MTUS2: variants seen among roughly 807,000 people sequenced by gnomAD.
The protein encoded by MTUS2 is microtubule-associated tumor suppressor candidate 2.
Under a neutral mutation model 114.1 loss-of-function variants are expected in MTUS2, and 40 were observed. The observed-to-expected ratio is 0.35, with a 90% CI of 0.27 to 0.46. MTUS2 has a LOEUF of 0.46. Ranked by LOEUF, MTUS2 falls within the 20% of genes least tolerant of loss-of-function variation. The pLI is 1.00. For missense variants in MTUS2, 1,679 were observed against 1,705.4 expected (o/e 0.98, Z 0.27); for synonymous variants, 688 against 672.0 (o/e 1.02, Z -0.37).
At chr13:29,079,967 T>C (rs2138724609) in intron 4 of MTUS2, among the ~76,000 whole-genome samples, 1 of 152,338 alleles carries the variant, frequency 6.6e-6, no homozygotes, top group Non-Finnish European at 1.5e-5. Flanking sequence ...TTGCATTGAA[T>C]CGGTAGATCA....
Position 29,119,345 on chromosome 13 carries a change from C to T in MTUS2, c.2644+18375C>T, listed in dbSNP as rs117798417. On this transcript the variant is annotated intron_variant, in intron 5 of 15. Coordinates refer to ENST00000612955, the MANE Select transcript of MTUS2 (RefSeq NM_001033602.4). ...GTTTTGTTGCTGGACCTTGTGGACA[C>T]TGCATAACAAAAAAAAATGATAAAT... is the stretch of plus-strand genomic sequence containing the variant. Among the ~76,000 whole-genome samples, 833 of 151,872 alleles carry T rather than the reference C, an allele frequency of 5.5e-3. 3 individuals are homozygous for T. Among genetic ancestry groups the T allele is most frequent in the Admixed American group, 0.01 (154 of 15,266 alleles).
At chr13:28,927,681 A>G (rs930750157) in intron 2 of MTUS2, among the ~76,000 whole-genome samples, 5 of 152,234 alleles carry the variant, frequency 3.3e-5, no homozygotes, top group African/African-American at 9.6e-5. Flanking sequence ...AATTATTTCA[A>G]TTGATGTTAT....
chr13:28,835,625 CT>C (rs1291941234), intron 1 of MTUS2, among the ~76,000 whole-genome samples: 1 of 152,096 alleles, frequency 6.6e-6, no homozygotes, highest in Non-Finnish European at 1.5e-5. Flanking sequence ...TGAATTGCAC[CT>C]TTTAAGATCA....
rs146657036 is a variant in MTUS2, at chr13:29,456,301, A to G, written c.3184+16252A>G. ...GAAGATAGATCAACAGATATTAGCC[A>G]ATCAGAAGAACAGAGAGAAAAAATG... On this transcript the variant is annotated intron_variant, in intron 9 of 15. Transcript: ENST00000612955. 4.3e-3 allele frequency among the ~76,000 whole-genome samples: 648 copies of G among 152,302 alleles called. 3 individuals are homozygous for G. The highest frequency in any genetic ancestry group is 0.014 in the African/African-American group (598 of 41,558).
At chr13:29,058,566 CTT>C (rs61090328) in intron 4 of MTUS2, among the ~76,000 whole-genome samples, 8 of 116,658 alleles carry the variant, frequency 6.9e-5, no homozygotes, top group East Asian at 4.5e-4. Context: ...CAGGTTGATG[CTT>C]TTTTTTTTTT....
chr13:28,949,214 G>C (rs913606281), intron 2 of MTUS2, among the ~76,000 whole-genome samples: 42 of 152,162 alleles, frequency 2.8e-4, no homozygotes, highest in African/African-American at 9.7e-4. Flanking sequence ...GCCAGGCTTT[G>C]ACTTTGAGCC....
intron 2 of MTUS2, among the ~76,000 whole-genome samples, chr13:28,861,470 TA>T (rs1267233081): frequency 2.6e-5 from 4 of 151,756 alleles, no homozygotes; most frequent in Non-Finnish European, 4.4e-5. Context: ...TTAATGGTGT[TA>T]ACATAGCCCA....
Position 29,442,634 on chromosome 13 carries a change from A to ATGGTATCCCC in MTUS2, c.3184+2585_3184+2586insTGGTATCCCC, listed in dbSNP as rs1555279426. 7.2e-5 allele frequency among the ~76,000 whole-genome samples: 11 copies of ATGGTATCCCC among 152,270 alleles called. No individual in the cohort carries two copies. In the East Asian group the frequency reaches 1.9e-3, roughly 27 times the overall value. On this transcript the variant is annotated intron_variant, in intron 9 of 15. Coordinates refer to ENST00000612955, the MANE Select transcript of MTUS2 (RefSeq NM_001033602.4). ...AAAACTCTGAATCCCCCAAACCAGCACAGGGAGGCAGCATTGGTGTGTTTC... is the reference window on the plus strand; with the variant it reads ...AAAACTCTGAATCCCCCAAACCAGCATGGTATCCCCCAGGGAGGCAGCATTGGTGTGTTTC...
intron 2 of MTUS2, among the ~76,000 whole-genome samples, chr13:28,846,358 T>C (rs1875885949): frequency 6.6e-6 from 1 of 152,202 alleles, no homozygotes; most frequent in Admixed American, 6.5e-5. Flanking sequence ...GAAAGAATTA[T>C]ATTGAAAACA....
chr13:29,456,998 A>T (rs1323364482), intron 9 of MTUS2, among the ~76,000 whole-genome samples: 1 of 150,194 alleles, frequency 6.7e-6, no homozygotes, highest in Non-Finnish European at 1.5e-5. Context: ...AAAAAAAATT[A>T]GCCAGGCATG....
intron 3 of MTUS2, among the ~76,000 whole-genome samples, chr13:29,028,450 T>C (rs1886664478): frequency 6.6e-6 from 1 of 152,066 alleles, no homozygotes; most frequent in African/African-American, 2.4e-5. Context: ...GCTCTGCCTT[T>C]AGGATGGGAT....
In MTUS2 at chr13:29,197,145, G is replaced by A. The variant is rs903465738; in HGVS notation, c.2645-84559G>A. 4.6e-5 allele frequency among the ~76,000 whole-genome samples: 7 copies of A among 152,094 alleles called. No homozygotes were observed. The East Asian group carries it at 7.8e-4, about 17-fold the overall frequency. ...TATACATGTACCATGGTGGTTTGCC[G>A]CACCCATCAACCCATCATCTGGATT... On this transcript the variant is annotated intron_variant, in intron 5 of 15. Transcript: ENST00000612955.
At chr13:29,137,627 C>CT (rs527320142) in intron 5 of MTUS2, among the ~76,000 whole-genome samples, 22 of 150,558 alleles carry the variant, frequency 1.5e-4, no homozygotes, top group South Asian at 4.2e-4. Context: ...CTTCTTTCTT[C>CT]TTTTTTTTGA....
intron 1 of MTUS2, among the ~76,000 whole-genome samples, chr13:28,822,320 C>T (rs1873958988): frequency 6.6e-6 from 1 of 152,058 alleles, no homozygotes; most frequent in Non-Finnish European, 1.5e-5. Context: ...ATAATTGACA[C>T]GGAACTAGAC....
intron 5 of MTUS2, among the ~76,000 whole-genome samples, chr13:29,194,560 A>G (rs1894593106): frequency 6.6e-6 from 1 of 152,130 alleles, no homozygotes; most frequent in Admixed American, 6.5e-5. Context: ...ATCTCACACC[A>G]GTTAGAATGG....
chr13:29,204,651 G>C (rs1203945312), intron 5 of MTUS2, among the ~76,000 whole-genome samples: 1 of 152,216 alleles, frequency 6.6e-6, no homozygotes, highest in South Asian at 2.1e-4. Flanking sequence ...TCTGGGCTCA[G>C]GGCAGCACCC....
chr13:29,252,842 T>TGCCTTTC (rs960777836), intron 5 of MTUS2, among the ~76,000 whole-genome samples: 7 of 152,162 alleles, frequency 4.6e-5, no homozygotes, highest in Non-Finnish European at 7.4e-5. Flanking sequence ...ATGTAAGACC[T>TGCCTTTC]GCCTTTCGCC....
intron 5 of MTUS2, among the ~76,000 whole-genome samples, chr13:29,247,524 A>G (rs1427894242): frequency 6.6e-6 from 1 of 152,250 alleles, no homozygotes; most frequent in Non-Finnish European, 1.5e-5. Context: ...AAGGACTAAT[A>G]ACCAGAATCT....
chr13:29,445,801 G>T (rs931306470), intron 9 of MTUS2, among the ~76,000 whole-genome samples: 7 of 151,972 alleles, frequency 4.6e-5, no homozygotes, highest in African/African-American at 1.7e-4. Flanking sequence ...CCAGCTACTC[G>T]GGAGGCTGAG....
Sources: allele counts gnomAD v4.1 joint callset (sites outside exome capture counted in the v4.1 genomes callset), GRCh38; gene constraint gnomAD v4.1.1; transcripts MANE v1.5; gene names NCBI Gene and HGNC (gene_info 2026-07-23, HGNC 2026-07-21).